The following RALGAPA2 variants were observed in gnomAD, a reference collection of about 807,000 sequenced individuals.
RALGAPA2 encodes ral GTPase-activating protein subunit alpha-2.
In RALGAPA2, 139 loss-of-function variants were observed where a neutral mutation model predicts 230.4. The ratio of observed to expected loss-of-function variants is 0.60; its 90% confidence interval spans 0.53 to 0.69. RALGAPA2 has a LOEUF of 0.69. Ranked by LOEUF, RALGAPA2 falls within the 30% of genes least tolerant of loss-of-function variation. The pLI is 0.00. For synonymous variants in RALGAPA2, 847 were observed against 837.8 expected (o/e 1.01, Z -0.19); for missense variants, 2,163 against 2,276.0 (o/e 0.95, Z 1.01).
chr20:20,401,393 C>T (rs765986873), intron 38 of RALGAPA2, among the ~76,000 whole-genome samples: 25 of 152,110 alleles, frequency 1.6e-4, no homozygotes, highest in Non-Finnish European at 3.2e-4. Context: ...CTGTGCCACC[C>T]CCCAAACCTC....
rs1301683403 is a variant in RALGAPA2, at chr20:20,637,344, C to T, written c.805+19G>A. On this transcript the variant is annotated intron_variant, in intron 8 of 39. Coordinates refer to ENST00000202677, the MANE Select transcript of RALGAPA2 (RefSeq NM_020343.4). The stretch of plus-strand genomic sequence containing the variant: ...CTTTCCTTTGGATATCCTCTATACA[C>T]GGCTCCAACAGTACTTACCAAGTAC... 7.6e-6 allele frequency: 12 copies of T among 1,572,260 alleles called. No individual in the cohort carries two copies. Among genetic ancestry groups the T allele is most frequent in the South Asian group, 4.7e-5 (4 of 84,860 alleles).
chr20:20,528,718 C>A (rs1017773043), intron 27 of RALGAPA2, among the ~76,000 whole-genome samples: 1 of 152,238 alleles, frequency 6.6e-6, no homozygotes, highest in South Asian at 2.1e-4. Context: ...GAATGCTCTG[C>A]ACATTCATGG....
At chr20:20,394,405 C>T (rs1158342699) in intron 39 of RALGAPA2, among the ~76,000 whole-genome samples, 7 of 152,070 alleles carry the variant, frequency 4.6e-5, no homozygotes, top group Non-Finnish European at 8.8e-5. Flanking sequence ...CAGCCGGGCG[C>T]GGTGGGCGGA....
chr20:20,632,398 C>T (rs1437825330), intron 9 of RALGAPA2, among the ~76,000 whole-genome samples: 1 of 152,246 alleles, frequency 6.6e-6, no homozygotes, highest in South Asian at 2.1e-4. Context: ...AGATGACTCA[C>T]AACTGTGAAG....
At position 20,389,935 on chromosome 20, in the gene RALGAPA2, T is replaced by A. The variant is rs1271739012; in HGVS notation, c.*3354A>T. ...CCTTATTTACATGTACTAAACATTGTAGACCTGAAAACATAAGGAAACATT... is the reference window on the plus strand; with the variant it reads ...CCTTATTTACATGTACTAAACATTGAAGACCTGAAAACATAAGGAAACATT... On this transcript the variant is annotated 3_prime_UTR_variant, in exon 40 of 40. Transcript: ENST00000202677. 1 of 152,240 alleles carries A rather than the reference T, an allele frequency of 6.6e-6. No homozygotes were observed. Among genetic ancestry groups the A allele is most frequent in the Non-Finnish European group, 1.5e-5 (1 of 68,044 alleles). The allele number at this position is 152,240 out of a possible 1,614,324, so 9.4% of individuals were successfully genotyped here. A position where few individuals can be genotyped will look rare whatever the true frequency, so the allele number is the denominator to read the frequency against.
chr20:20,449,618 C>T (rs1050900794), intron 37 of RALGAPA2, among the ~76,000 whole-genome samples: 1 of 152,156 alleles, frequency 6.6e-6, no homozygotes, highest in South Asian at 2.1e-4. Flanking sequence ...TAATTCTTCA[C>T]TTTTTCAGCT....
rs1188960817 is a variant in RALGAPA2 at position 20,680,794 on chromosome 20, C to T, written c.114G>A (p.Val38=). ...LKHLRALLDN[V]DANDLKQFFE... ...AAAACTGCTTAAGATCATTTGCATC[C>T]ACATTATCTGAAAAGAAAAAGTTTC... Residue 38 remains valine, a synonymous_variant, in exon 2 of 40, where the codon GTG becomes GTA. Coordinates refer to ENST00000202677, the MANE Select transcript of RALGAPA2 (RefSeq NM_020343.4). The T allele has an allele frequency of 6.4e-7, 1 of 1,568,354 alleles. No homozygotes were observed. The highest frequency in any genetic ancestry group is 8.6e-7 in the Non-Finnish European group (1 of 1,164,692).
At chr20:20,555,883 C>A (rs2145794419) in intron 23 of RALGAPA2, among the ~76,000 whole-genome samples, 1 of 152,196 alleles carries the variant, frequency 6.6e-6, no homozygotes, top group Admixed American at 6.5e-5. Context: ...TCTTTCCAGT[C>A]TGAATGGCTT....
intron 36 of RALGAPA2, among the ~76,000 whole-genome samples, chr20:20,485,363 G>A (rs1265751280): frequency 2.0e-5 from 3 of 152,162 alleles, no homozygotes; most frequent in Non-Finnish European, 4.4e-5. Context: ...TTTAATCTGT[G>A]TCTTCACATT....
intron 37 of RALGAPA2, among the ~76,000 whole-genome samples, chr20:20,454,276 T>C (rs778831009): frequency 2.1e-4 from 32 of 152,324 alleles, no homozygotes; most frequent in Non-Finnish European, 3.8e-4. Flanking sequence ...GAGAGACCTT[T>C]GTGTAAAATA....
chr20:20,546,890 T>C, intron 23 of RALGAPA2, 58 bp from the exon 24 acceptor site: 1 of 1,484,700 alleles, frequency 6.7e-7, no homozygotes, highest in Non-Finnish European at 9.0e-7. Context: ...AATTCCAAAG[T>C]AGTGTTTGTA....
intron 2 of RALGAPA2, among the ~76,000 whole-genome samples, chr20:20,676,972 G>A (rs926433516): frequency 7.2e-5 from 11 of 152,116 alleles, no homozygotes; most frequent in African/African-American, 2.4e-4. Context: ...CCAATAAAAC[G>A]TTATTTATAA....
Position 20,525,975 on chromosome 20 carries a change from A to C in RALGAPA2, c.3693+277T>G, listed in dbSNP as rs559557475. ...GCACCATCCAAATTGCTCTTGATGA[A>C]TGAAGCCCAATCTACAAAAGGTCTC... On this transcript the variant is annotated intron_variant, in intron 28 of 39. Coordinates refer to ENST00000202677, the MANE Select transcript of RALGAPA2 (RefSeq NM_020343.4). 8.5e-5 allele frequency among the ~76,000 whole-genome samples: 13 copies of C among 152,234 alleles called. No homozygotes were observed. In the South Asian group the frequency reaches 2.7e-3, roughly 32 times the overall value.
chr20:20,605,447 T>C (rs1309313899), intron 14 of RALGAPA2, 35 bp from the exon 15 acceptor site: 1 of 1,449,850 alleles, frequency 6.9e-7, no homozygotes, highest in African/African-American at 1.4e-5. Context: ...AATTCACACA[T>C]CTTCATTTGG....
chr20:20,471,810 T>A (rs2061548584), intron 37 of RALGAPA2: 1 of 151,280 alleles, frequency 6.6e-6, no homozygotes, highest in Non-Finnish European at 1.5e-5. Context: ...GGCATATGTA[T>A]TTTTTTTTAA....
intron 28 of RALGAPA2, among the ~76,000 whole-genome samples, 173 bp downstream of exon 28, chr20:20,526,079 T>C (rs2063192715): frequency 1.3e-5 from 2 of 152,348 alleles, no homozygotes; most frequent in Middle Eastern, 3.4e-3. Context: ...CTTTACATAG[T>C]GCCTGAAATC....
chr20:20,482,352 G>A (rs1360764630), intron 36 of RALGAPA2, among the ~76,000 whole-genome samples: 1 of 152,198 alleles, frequency 6.6e-6, no homozygotes, highest in African/African-American at 2.4e-5. Flanking sequence ...CTTTAGGGTG[G>A]ACGCAGATAA....
chr20:20,481,715 C>T (rs188943149), intron 36 of RALGAPA2, among the ~76,000 whole-genome samples: 6 of 152,294 alleles, frequency 3.9e-5, no homozygotes, highest in Non-Finnish European at 8.8e-5. Flanking sequence ...GGTGTGAAAA[C>T]TGATACCTCT....
intron 34 of RALGAPA2, 27 bp downstream of exon 34, chr20:20,505,384 A>G: frequency 1.9e-6 from 3 of 1,578,790 alleles, no homozygotes; most frequent in Non-Finnish European, 2.6e-6. Context: ...GCTGGTCAAT[A>G]AACACCTACT....
Sources: gnomAD v4.1 joint callset for allele counts (sites outside exome capture counted in the v4.1 genomes callset) on GRCh38, gnomAD v4.1.1 for gene constraint, MANE v1.5 for transcripts, NCBI Gene and HGNC (gene_info 2026-07-23, HGNC 2026-07-21) for gene names.